Variants in TFEC observed in about 807,000 individuals in gnomAD.
TFEC encodes class E basic helix-loop-helix protein 34.
In TFEC, 31 loss-of-function variants were observed where a neutral mutation model predicts 41.6. The observed-to-expected ratio is 0.74, with a 90% confidence interval of 0.56 to 1.01. The LOEUF is 1.01. Among genes scored for constraint, TFEC ranks in the 50% least tolerant of loss-of-function variants. TFEC has a pLI of 0.00. For synonymous variants in TFEC, 143 were observed against 140.6 expected (o/e 1.02, Z -0.12); for missense variants, 402 against 404.1 (o/e 0.99, Z 0.04).
intron 1 of TFEC, among the ~76,000 whole-genome samples, chr7:116,009,840 GAC>G (rs1794933975): frequency 6.6e-6 from 1 of 152,144 alleles, no homozygotes; most frequent in Non-Finnish European, 1.5e-5. Context: ...AGGTGGAAGA[GAC>G]AGATTTTAAT....
rs533397120 is a variant in TFEC, at chr7:116,042,644, A to G, written c.199-58131T>C. On this transcript the variant is annotated intron_variant, in intron 3 of 8. Transcript: ENST00000484212. ...TGTGGCAAAATTATTTGGAAACTTG[A>G]ACTAAACATTTTTTAAAAAATCTTC... 5.1e-4 allele frequency among the ~76,000 whole-genome samples: 77 copies of G among 152,318 alleles called. No homozygotes were observed. The Middle Eastern group carries it at 0.01, about 20-fold the overall frequency.
chr7:115,950,856 A>G lies in TFEC; in HGVS notation c.515+18T>C. 1.3e-6 allele frequency: 2 copies of G among 1,577,952 alleles called. No individual in the cohort carries two copies. Among genetic ancestry groups the G allele is most frequent in the Non-Finnish European group, 8.6e-7 (1 of 1,157,872 alleles). On this transcript the variant is annotated intron_variant, in intron 6 of 7. Transcript: ENST00000265440. ...CTTTAAATTATAACATTATTATAGA[A>G]ATGATTGTTGAACTCACGGATCATT...
chr7:116,017,789 T>A (rs553967527), intron 1 of TFEC, among the ~76,000 whole-genome samples: 1 of 152,312 alleles, frequency 6.6e-6, no homozygotes, highest in Non-Finnish European at 1.5e-5. Flanking sequence ...CAGGAACAGG[T>A]TACAATGTCT....
chr7:116,004,238 A>T (rs1348839953), intron 1 of TFEC, among the ~76,000 whole-genome samples: 1 of 152,202 alleles, frequency 6.6e-6, no homozygotes, highest in Non-Finnish European at 1.5e-5. Flanking sequence ...TAGCTAACTA[A>T]GAAAGTTAAC....
intron 1 of TFEC, among the ~76,000 whole-genome samples, chr7:116,005,230 A>T (rs942592647): frequency 6.6e-6 from 1 of 152,204 alleles, no homozygotes; most frequent in Non-Finnish European, 1.5e-5. Flanking sequence ...TGTGGAAGCG[A>T]CTTTGGAACT....
At chr7:116,048,650 A>G (rs935746977) in intron 3 of TFEC, among the ~76,000 whole-genome samples, 4 of 152,198 alleles carry the variant, frequency 2.6e-5, no homozygotes, top group Non-Finnish European at 4.4e-5. Context: ...GATACTCCTC[A>G]AGAAGAGCAA....
At chr7:116,110,726 T>C (rs763557932) in exon 3 of TFEC, 96 of 1,522,418 alleles carry the variant, frequency 6.3e-5, no homozygotes, top group Non-Finnish European at 6.8e-5. Context: ...AGGATGGTAA[T>C]TGACTTGAAT....
At chr7:116,012,500 CATATTTCAAAT>C (rs1344954524) in intron 1 of TFEC, among the ~76,000 whole-genome samples, 4 of 152,040 alleles carry the variant, frequency 2.6e-5, no homozygotes, top group African/African-American at 9.7e-5. Flanking sequence ...TTTAAAAGGT[CATATTTCAAAT>C]ATCTGGAAAG....
In TFEC at chr7:115,941,901, G is replaced by A. The variant is rs1488972734; in HGVS notation, c.655C>T (p.Arg219Trp). The change falls in exon 7 of 8, where the codon CGG (arginine) becomes TGG (tryptophan). Residue 219 changes from arginine to tryptophan, a missense_variant. Transcript: ENST00000265440. ...TACATTCTTATAAAAACCTGAATCC[G>A]AAGTAGAAGTCGCCTGTTAGCCTGC... is the stretch of plus-strand genomic sequence containing the variant. ...LEQANRRLLL[R>W]IQELEIQART... is the part of the protein sequence containing the mutation. 3.7e-6 allele frequency: 6 copies of A among 1,613,052 alleles called. No individual in the cohort carries two copies. The highest frequency in any genetic ancestry group is 5.1e-6 in the Non-Finnish European group (6 of 1,179,418).
intron 1 of TFEC, among the ~76,000 whole-genome samples, chr7:115,993,477 T>A (rs910755609): frequency 3.9e-5 from 6 of 152,138 alleles, no homozygotes; most frequent in Non-Finnish European, 7.4e-5. Flanking sequence ...CAGCCCAAAA[T>A]CTCCTTAAGC....
At chr7:116,008,603 G>A (rs1794889402) in intron 1 of TFEC, among the ~76,000 whole-genome samples, 1 of 152,042 alleles carries the variant, frequency 6.6e-6, no homozygotes, top group South Asian at 2.1e-4. Flanking sequence ...TACCTCCTAG[G>A]TACCAACTCA....
intron 1 of TFEC, among the ~76,000 whole-genome samples, chr7:116,134,536 C>A (rs766021631): frequency 6.6e-6 from 1 of 151,920 alleles, no homozygotes; most frequent in African/African-American, 2.4e-5. Context: ...TTTTTTTATT[C>A]ACTTCTTTTT....
At chr7:115,951,029 C>A (rs1019546210) in intron 5 of TFEC, 80 bp from the exon 6 acceptor site, 9 of 782,978 alleles carry the variant, frequency 1.1e-5, no homozygotes, top group Non-Finnish European at 1.3e-5. Context: ...TTTTAACAAT[C>A]TTTTAAAAAC....
At chr7:116,122,051 A>C (rs1798118829) in intron 1 of TFEC, among the ~76,000 whole-genome samples, 1 of 152,072 alleles carries the variant, frequency 6.6e-6, no homozygotes, top group Admixed American at 6.6e-5. Context: ...TTGGAAATAA[A>C]TTATGGAGGA....
At chr7:116,151,374 T>C (rs1798757542) in intron 1 of TFEC, among the ~76,000 whole-genome samples, 1 of 151,602 alleles carries the variant, frequency 6.6e-6, no homozygotes, top group South Asian at 2.1e-4. Flanking sequence ...TCCTGAGTAG[T>C]TGGGGCTACA....
At chr7:116,146,840 TTAAA>T (rs1798651173) in intron 1 of TFEC, among the ~76,000 whole-genome samples, 1 of 152,098 alleles carries the variant, frequency 6.6e-6, no homozygotes, top group African/African-American at 2.4e-5. Flanking sequence ...CCTGATATAT[TTAAA>T]TAAATAAAAG....
At chr7:116,022,445 G>C (rs1231861337) in intron 1 of TFEC, among the ~76,000 whole-genome samples, 1 of 152,052 alleles carries the variant, frequency 6.6e-6, no homozygotes, top group Non-Finnish European at 1.5e-5. Flanking sequence ...TTCAAACCTG[G>C]GCTCCCACTG....
chr7:116,064,904 G>C (rs1796658289), intron 3 of TFEC, among the ~76,000 whole-genome samples: 1 of 152,156 alleles, frequency 6.6e-6, no homozygotes, highest in Non-Finnish European at 1.5e-5. Context: ...TTCGCTGTTA[G>C]ATTCCAGTGT....
chr7:115,968,141 T>G, intron 3 of TFEC: 1 of 1,504,468 alleles, frequency 6.6e-7, no homozygotes, highest in Non-Finnish European at 8.8e-7. Flanking sequence ...TTAAGGTGGT[T>G]TCATCTCCAA....
Sources: gnomAD v4.1 joint callset for allele counts (sites outside exome capture counted in the v4.1 genomes callset) on GRCh38, gnomAD v4.1.1 for gene constraint, MANE v1.5 for transcripts, NCBI Gene and HGNC (gene_info 2026-07-23, HGNC 2026-07-21) for gene names.